GRIK4: variants seen among roughly 807,000 people sequenced by gnomAD.
The protein encoded by GRIK4 is glutamate ionotropic receptor kainate type subunit 4, also known as glutamate receptor ionotropic, kainate 4.
GRIK4 carries 40 observed loss-of-function variants against 104.9 expected under a neutral mutation model. The ratio of observed to expected loss-of-function variants is 0.38; its 90% CI spans 0.30 to 0.50. The LOEUF is 0.50. Ranked by LOEUF, GRIK4 falls within the 20% of genes least tolerant of loss-of-function variation. The probability of loss-of-function intolerance (pLI) is 0.93; values close to 1 mark genes in which losing one functional copy is unlikely to be tolerated. For synonymous variants in GRIK4, 485 were observed against 524.9 expected (o/e 0.92, Z 1.04); for missense variants, 1,047 against 1,308.1 (o/e 0.80, Z 3.08).
intron 3 of GRIK4, among the ~76,000 whole-genome samples, chr11:120,754,124 G>A (rs1195170235): frequency 2.6e-5 from 4 of 152,072 alleles, no homozygotes; most frequent in Admixed American, 1.3e-4. Flanking sequence ...TCCACTTCCC[G>A]AGTTCAAGTG....
intron 3 of GRIK4, among the ~76,000 whole-genome samples, chr11:120,767,790 T>G (rs568739395): frequency 1.3e-5 from 2 of 152,296 alleles, no homozygotes; most frequent in African/African-American, 4.8e-5. Context: ...TCAGCACCAT[T>G]TATTAAAGAG....
At chr11:120,854,606 G>C (rs191925872) in intron 8 of GRIK4, among the ~76,000 whole-genome samples, 12 of 152,150 alleles carry the variant, frequency 7.9e-5, no homozygotes, top group Non-Finnish European at 1.8e-4. Flanking sequence ...GAAGGCCTCC[G>C]CACACTGCCT....
At chr11:120,927,466 C>G (rs747715659) in intron 13 of GRIK4, among the ~76,000 whole-genome samples, 1 of 149,808 alleles carries the variant, frequency 6.7e-6, no homozygotes, top group Non-Finnish European at 1.5e-5. Context: ...ACTCAGGAGG[C>G]TGAGGCAGGA....
intron 1 of GRIK4, among the ~76,000 whole-genome samples, chr11:120,569,584 G>T (rs1174415903): frequency 2.0e-5 from 3 of 152,092 alleles, no homozygotes; most frequent in Non-Finnish European, 4.4e-5. Flanking sequence ...GGATTTTTTT[G>T]TTGTTGTTGA....
chr11:120,553,112 T>C (rs548038865), intron 1 of GRIK4, among the ~76,000 whole-genome samples: 22 of 151,974 alleles, frequency 1.4e-4, no homozygotes, highest in Middle Eastern at 3.5e-3. Flanking sequence ...ACCTTCTAGA[T>C]AGAAAAGATG....
intron 3 of GRIK4, among the ~76,000 whole-genome samples, chr11:120,681,868 A>G (rs1591799521): frequency 6.6e-6 from 1 of 152,242 alleles, no homozygotes; most frequent in East Asian, 1.9e-4. Flanking sequence ...GGGCAGGGCC[A>G]TCTCAGAAGT....
intron 1 of GRIK4, among the ~76,000 whole-genome samples, chr11:120,628,313 C>T (rs779222208): frequency 9.9e-5 from 15 of 152,194 alleles, no homozygotes; most frequent in Non-Finnish European, 2.2e-4. Flanking sequence ...ATCAATTTTG[C>T]CCCAGAAATA....
intron 1 of GRIK4, among the ~76,000 whole-genome samples, chr11:120,621,590 T>C (rs545124714): frequency 2.0e-5 from 3 of 152,162 alleles, no homozygotes; most frequent in African/African-American, 4.8e-5. Context: ...CAGGGGCTTA[T>C]GAAAGACTAT....
intron 19 of GRIK4, among the ~76,000 whole-genome samples, chr11:120,973,278 A>T (rs1944506001): frequency 6.6e-6 from 1 of 152,210 alleles, no homozygotes; most frequent in South Asian, 2.1e-4. Flanking sequence ...AGTAGAGTTC[A>T]GGATGGAGGG....
At chr11:120,539,106 G>A (rs1948006693) in intron 1 of GRIK4, among the ~76,000 whole-genome samples, 1 of 152,208 alleles carries the variant, frequency 6.6e-6, no homozygotes, top group Admixed American at 6.5e-5. Context: ...TAAGATTTCG[G>A]AGGCAGCACA....
intron 3 of GRIK4, among the ~76,000 whole-genome samples, chr11:120,730,787 G>A (rs1486074555): frequency 6.6e-6 from 1 of 151,942 alleles, no homozygotes; most frequent in Non-Finnish European, 1.5e-5. Flanking sequence ...CACCTCTTTA[G>A]TTAAATTAAT....
At chr11:120,858,648 C>G (rs777616365) in intron 8 of GRIK4, among the ~76,000 whole-genome samples, 1 of 152,144 alleles carries the variant, frequency 6.6e-6, no homozygotes, top group Non-Finnish European at 1.5e-5. Context: ...GAGCATGGAA[C>G]CTTGTCTTCA....
At chr11:120,873,593 C>G (rs1954672540) in intron 9 of GRIK4, 1 of 157,426 alleles carries the variant, frequency 6.4e-6, no homozygotes, top group Non-Finnish European at 1.4e-5. Context: ...TAATATTAGG[C>G]ACATTTAGGA....
intron 3 of GRIK4, among the ~76,000 whole-genome samples, chr11:120,753,245 G>A (rs1375322874): frequency 6.6e-6 from 1 of 152,122 alleles, no homozygotes; most frequent in Middle Eastern, 3.2e-3. Flanking sequence ...TTAAGGCTGG[G>A]GAGCAGAGGC....
At chr11:120,846,629 A>G (rs942059278) in intron 8 of GRIK4, among the ~76,000 whole-genome samples, 3 of 152,170 alleles carry the variant, frequency 2.0e-5, no homozygotes, top group African/African-American at 4.8e-5. Flanking sequence ...TCCTTCTGCT[A>G]TGCACGTTTG....
chr11:120,832,918 G>A lies in GRIK4; in HGVS notation c.690+888G>A, dbSNP rs572990052. On this transcript the variant is annotated intron_variant, in intron 7 of 20. Coordinates refer to ENST00000527524, the MANE Select transcript of GRIK4 (RefSeq NM_014619.5). Reference sequence around the variant, plus strand: ...AACGGGCCCCGTTTCCAGGCTCCTTGGCGGCTCCCCCAACCTCTCCAGGCG... The same window carrying A: ...AACGGGCCCCGTTTCCAGGCTCCTTAGCGGCTCCCCCAACCTCTCCAGGCG... 2.3e-4 allele frequency among the ~76,000 whole-genome samples: 35 copies of A among 152,298 alleles called. No individual in the cohort carries two copies. In the South Asian group the frequency reaches 6.6e-3, roughly 29 times the overall value.
chr11:120,557,971 T>C (rs1948203389), intron 1 of GRIK4, among the ~76,000 whole-genome samples: 1 of 144,368 alleles, frequency 6.9e-6, no homozygotes, highest in Non-Finnish European at 1.5e-5. Flanking sequence ...TGAGCCGAGA[T>C]TGGGCCACTG....
At chr11:120,562,441 G>A (rs1948250586) in intron 1 of GRIK4, among the ~76,000 whole-genome samples, 7 of 152,208 alleles carry the variant, frequency 4.6e-5, no homozygotes, top group Admixed American at 3.9e-4. Flanking sequence ...CAGGGAGCTG[G>A]GGAGGGCTTC....
chr11:120,824,284 G>T lies in GRIK4; in HGVS notation c.511+4364G>T, dbSNP rs1387328866. On this transcript the variant is annotated intron_variant, in intron 6 of 20. Transcript: ENST00000527524. ...GCCTGTTTCTGATGAGGCTGGGGGA[G>T]GAGATGTGATGAGCAGCCCAGGTGT... Among the ~76,000 whole-genome samples, 3 of 152,172 alleles carry T rather than the reference G, an allele frequency of 2.0e-5. No homozygotes were observed. In the East Asian group the frequency reaches 5.8e-4, roughly 29 times the overall value.
Sources: gnomAD v4.1 joint callset for allele counts (sites outside exome capture counted in the v4.1 genomes callset) on GRCh38, gnomAD v4.1.1 for gene constraint, MANE v1.5 for transcripts, NCBI Gene and HGNC (gene_info 2026-07-23, HGNC 2026-07-21) for gene names.